Variants in ABCB1 observed in about 807,000 individuals in gnomAD.
ABCB1 encodes the protein ATP binding cassette subfamily B member 1.
A neutral mutation model predicts 142.0 loss-of-function variants in ABCB1; 69 were observed. The ratio of observed to expected loss-of-function variants is 0.49; its 90% CI spans 0.40 to 0.59. ABCB1 has a LOEUF of 0.59. Ranked by LOEUF, ABCB1 falls within the 20% of genes least tolerant of loss-of-function variation. The probability of loss-of-function intolerance (pLI) is 0.00; values close to 1 mark genes in which losing one functional copy is unlikely to be tolerated. For synonymous variants in ABCB1, 532 were observed against 539.2 expected (o/e 0.99, Z 0.18); for missense variants, 1,326 against 1,554.7 (o/e 0.85, Z 2.47).
At chr7:87,531,802 A>T (rs1393970672) in intron 20 of ABCB1, 2 of 340,912 alleles carry the variant, frequency 5.9e-6, no homozygotes, top group Middle Eastern at 9.2e-4. Flanking sequence ...TCTGCAAATT[A>T]GCAAGATAAA....
chr7:87,710,309 GT>G, intron 1 of ABCB1, among the ~76,000 whole-genome samples: 1 of 152,178 alleles, frequency 6.6e-6, no homozygotes, highest in Non-Finnish European at 1.5e-5. Flanking sequence ...TCTAACCCAA[GT>G]AACTCAGTAT....
At chr7:87,694,978 C>T (rs1431257911) in intron 1 of ABCB1, among the ~76,000 whole-genome samples, 1 of 152,074 alleles carries the variant, frequency 6.6e-6, no homozygotes, top group African/African-American at 2.4e-5. Flanking sequence ...CTAGACATTA[C>T]ATTGTCAATA....
At chr7:87,598,307 C>T (rs1423561725) in intron 2 of ABCB1, among the ~76,000 whole-genome samples, 1 of 152,078 alleles carries the variant, frequency 6.6e-6, no homozygotes. Flanking sequence ...CCCCAGTCTA[C>T]AAGTTTAATT....
At chr7:87,660,070 T>C (rs1824531925) in intron 1 of ABCB1, among the ~76,000 whole-genome samples, 1 of 152,186 alleles carries the variant, frequency 6.6e-6, no homozygotes, top group Admixed American at 6.5e-5. Context: ...GTCTGTTTTG[T>C]GCTTTTTTGG....
At chr7:87,605,844 C>A (rs953665857), upstream of ABCB1, among the ~76,000 whole-genome samples, 34 of 151,996 alleles carry the variant, frequency 2.2e-4, no homozygotes, top group Admixed American at 2.2e-3. Flanking sequence ...TATTATTTCC[C>A]AAATATCCTA....
intron 1 of ABCB1, among the ~76,000 whole-genome samples, chr7:87,609,681 T>G (rs533372048): frequency 6.6e-6 from 1 of 152,306 alleles, no homozygotes; most frequent in African/African-American, 2.4e-5. Flanking sequence ...ATTTTATTTT[T>G]GCTCTTGACC....
intron 1 of ABCB1, among the ~76,000 whole-genome samples, chr7:87,696,885 T>G (rs1828538912): frequency 6.6e-6 from 1 of 152,190 alleles, no homozygotes; most frequent in Non-Finnish European, 1.5e-5. Context: ...GCCCTACCTA[T>G]AGCAGGAGTT....
intron 1 of ABCB1, among the ~76,000 whole-genome samples, chr7:87,704,266 A>G (rs1001527576): frequency 1.3e-5 from 2 of 152,016 alleles, no homozygotes; most frequent in African/African-American, 4.8e-5. Flanking sequence ...AATTATATCT[A>G]CATTTCTTTT....
At chr7:87,573,695 C>G (rs1271275307) in intron 4 of ABCB1, among the ~76,000 whole-genome samples, 1 of 152,124 alleles carries the variant, frequency 6.6e-6, no homozygotes, top group Non-Finnish European at 1.5e-5. Context: ...AGTTCTTTTG[C>G]AATCTTGCCA....
chr7:87,550,188 C>A lies in ABCB1; in HGVS notation c.1333G>T (p.Asp445Tyr). ...CATCTCACCATCCCCTCTGTGGGGT[C>A]ATAGAGCCTCTGCATCAGCTGGACT... ...TTVQLMQRLY[D>Y]PTEGMVSVDG... is the part of the protein sequence containing the mutation. The change falls in exon 12 of 28, where the codon GAC becomes TAC. Residue 445 changes from aspartate to tyrosine, a missense_variant. By Grantham distance (160) the Asp-to-Tyr change is radical. Transcript: ENST00000622132. The A allele has an allele frequency of 6.2e-7, 1 of 1,614,222 alleles. No individual in the cohort carries two copies. The highest frequency in any genetic ancestry group is 8.5e-7 in the Non-Finnish European group (1 of 1,180,048).
rs1824039421 is a variant in ABCB1, at chr7:87,655,784, CT to C, written c.-330-54707del. Among the ~76,000 whole-genome samples the C allele has an allele frequency of 2.0e-5, 3 of 152,234 alleles. No individual in the cohort carries two copies. In the South Asian group the frequency reaches 6.2e-4, roughly 32 times the overall value. ...TCCCCTCAAATTCATATGCTGGAAACTTAACCCCCTGTCCAACAGTGCTGGG... is the reference window on the plus strand; with the variant it reads ...TCCCCTCAAATTCATATGCTGGAAACTAACCCCCTGTCCAACAGTGCTGGG... On this transcript the variant is annotated intron_variant, in intron 1 of 28. Coordinates refer to the ABCB1 transcript ENST00000265724.
At chr7:87,547,759 A>T (rs1016005220) in intron 14 of ABCB1, among the ~76,000 whole-genome samples, 1 of 147,148 alleles carries the variant, frequency 6.8e-6, no homozygotes, top group Non-Finnish European at 1.5e-5. Flanking sequence ...AATCCTAGCT[A>T]CTCAGGAGGC....
rs575083955 is a variant in ABCB1, at chr7:87,679,424, T to G, written c.-331+33737A>C. 9.2e-4 allele frequency among the ~76,000 whole-genome samples: 138 copies of G among 149,784 alleles called. 7 individuals carry two copies. The highest frequency in any genetic ancestry group is 3.4e-3 in the African/African-American group (135 of 40,238). Reference sequence around the variant, plus strand: ...TTTTTTTTAAGACAGGATCTCACCCTGTCACCCAGGTTGGAGTGCAATGGC... The same window carrying G: ...TTTTTTTTAAGACAGGATCTCACCCGGTCACCCAGGTTGGAGTGCAATGGC... On this transcript the variant is annotated intron_variant, in intron 1 of 28. Transcript: ENST00000265724.
At chr7:87,515,136 G>C (rs1446004418) in intron 25 of ABCB1, 95 bp downstream of exon 25, 2 of 1,475,266 alleles carry the variant, frequency 1.4e-6, no homozygotes, top group African/African-American at 1.4e-5. Context: ...TTGTTTAAAG[G>C]TTTGAAAAAA....
chr7:87,594,735 A>G (rs1315732713), intron 3 of ABCB1, among the ~76,000 whole-genome samples: 1 of 152,210 alleles, frequency 6.6e-6, no homozygotes, highest in Non-Finnish European at 1.5e-5. Flanking sequence ...TGGCAAGAGC[A>G]ATGGTAGCAC....
At chr7:87,626,100 T>TAGTCATATATATGTGTCATATATATA (rs1563079546) in intron 1 of ABCB1, among the ~76,000 whole-genome samples, 2 of 90,902 alleles carry the variant, frequency 2.2e-5, no homozygotes, top group African/African-American at 1.2e-4. Flanking sequence ...ATATATATAT[T>TAGTCATATATATGTGTCATATATATA]GTCATATATA....
At chr7:87,567,838 T>C in intron 5 of ABCB1, among the ~76,000 whole-genome samples, 1 of 152,190 alleles carries the variant, frequency 6.6e-6, no homozygotes, top group African/African-American at 2.4e-5. Flanking sequence ...CTCACGCCTA[T>C]AATCCCAGCA....
intron 1 of ABCB1, among the ~76,000 whole-genome samples, chr7:87,654,664 G>A (rs1823905289): frequency 1.3e-5 from 2 of 152,162 alleles, no homozygotes; most frequent in African/African-American, 4.8e-5. Flanking sequence ...ACATTGGTCT[G>A]GGTGATGACA....
chr7:87,515,797 A>G (rs1191785672), intron 24 of ABCB1, among the ~76,000 whole-genome samples: 1 of 151,536 alleles, frequency 6.6e-6, no homozygotes, highest in Admixed American at 6.6e-5. Flanking sequence ...GAGTTTCACC[A>G]TATTGGCCAA....
Sources: allele counts gnomAD v4.1 joint callset (sites outside exome capture counted in the v4.1 genomes callset), GRCh38; gene constraint gnomAD v4.1.1; transcripts MANE v1.5; gene names NCBI Gene and HGNC (gene_info 2026-07-23, HGNC 2026-07-21).